PPP1R14C: variants seen among roughly 807,000 people sequenced by gnomAD.
PPP1R14C encodes the protein protein phosphatase 1 regulatory subunit 14C.
Under a neutral mutation model 20.4 loss-of-function variants are expected in PPP1R14C, and 16 were observed. The observed-to-expected ratio is 0.78, with a 90% CI of 0.53 to 1.19. The LOEUF (loss-of-function observed/expected upper bound fraction) is 1.19, where lower values mean the gene tolerates loss of function less well. Among genes scored for constraint, PPP1R14C ranks in the 50% most tolerant of loss-of-function variants. The pLI is 0.00. For missense variants in PPP1R14C, 211 were observed against 220.1 expected, an observed-to-expected ratio of 0.96 and a Z score of 0.26; for synonymous variants, 91 against 91.0, an observed-to-expected ratio of 1.00 and a Z score of 0.00.
In PPP1R14C at chr6:150,185,353, G is replaced by C. The variant is rs1336296642; in HGVS notation, c.307-29391G>C. Among the ~76,000 whole-genome samples, 2 of 152,082 alleles carry C rather than the reference G, an allele frequency of 1.3e-5. No individual in the cohort carries two copies. The highest frequency in any genetic ancestry group is 2.9e-5 in the Non-Finnish European group (2 of 68,024). ...CATGAAAGTCACACAGACCTGCAAG[G>C]CTCCTGCAATCTGCCCTTTACTCTT... On this transcript the variant is annotated intron_variant, in intron 1 of 3. Coordinates refer to ENST00000361131, the MANE Select transcript of PPP1R14C (RefSeq NM_030949.3). This position sits in a 1 kb window ranked among gnomAD's most constrained non-coding sequence, Gnocchi z 4.1.
chr6:150,222,927 C>T (rs1319106277), intron 3 of PPP1R14C, among the ~76,000 whole-genome samples: 1 of 151,868 alleles, frequency 6.6e-6, no homozygotes, highest in East Asian at 1.9e-4. Flanking sequence ...TGCCACCACA[C>T]CCGGCTAATT....
chr6:150,174,512 G>A (rs570750391), intron 1 of PPP1R14C, among the ~76,000 whole-genome samples: 3 of 151,900 alleles, frequency 2.0e-5, no homozygotes, highest in Admixed American at 6.6e-5. Flanking sequence ...CACCACGCCT[G>A]GCCGTGTGTG....
chr6:150,245,816 T>C (rs1778483619), intron 3 of PPP1R14C, among the ~76,000 whole-genome samples: 1 of 152,232 alleles, frequency 6.6e-6, no homozygotes, highest in Non-Finnish European at 1.5e-5. Context: ...TCTGTGCAAG[T>C]GATACTGCCA....
In PPP1R14C at chr6:150,237,569, G is replaced by A. The variant is rs547599883; in HGVS notation, c.424-11177G>A. Among the ~76,000 whole-genome samples the A allele has an allele frequency of 5.3e-5, 8 of 152,252 alleles. 1 individual carries two copies. The highest frequency in any genetic ancestry group is 5.2e-4 in the Admixed American group (8 of 15,294). On this transcript the variant is annotated intron_variant, in intron 3 of 3. Coordinates refer to ENST00000361131, the MANE Select transcript of PPP1R14C (RefSeq NM_030949.3). Reference sequence around the variant, plus strand: ...TTCAGTGTAGTCTGATGATGATGATGATAACGATGATGACAGTATCAAGCA... The same window carrying A: ...TTCAGTGTAGTCTGATGATGATGATAATAACGATGATGACAGTATCAAGCA...
At chr6:150,222,195 T>C (rs1353146925) in intron 3 of PPP1R14C, among the ~76,000 whole-genome samples, 2 of 127,054 alleles carry the variant, frequency 1.6e-5, no homozygotes, top group Non-Finnish European at 3.3e-5. Flanking sequence ...TAGTCACATC[T>C]CATGTATTAA....
At chr6:150,156,299 A>T (rs1288746026) in intron 1 of PPP1R14C, among the ~76,000 whole-genome samples, 1 of 152,220 alleles carries the variant, frequency 6.6e-6, no homozygotes, top group East Asian at 1.9e-4. Flanking sequence ...ATTTGAAAGC[A>T]GCAGATATTA....
Position 150,161,116 on chromosome 6 carries a change from C to T in PPP1R14C, c.306+17618C>T, listed in dbSNP as rs545694581. Among the ~76,000 whole-genome samples, 7 of 152,078 alleles carry T rather than the reference C, an allele frequency of 4.6e-5. No homozygotes were observed. The South Asian group carries it at 1.0e-3, about 23-fold the overall frequency. ...CCAACATGGTGAAACCCCATCTCTA[C>T]TAAAAATACAAAAATTAGCCAGACG... is the stretch of plus-strand genomic sequence containing the variant. On this transcript the variant is annotated intron_variant, in intron 1 of 3. Transcript: ENST00000361131.
At chr6:150,187,247 C>CTGTGTGTGTGTGTGTGTGTG (rs61153538) in intron 1 of PPP1R14C, among the ~76,000 whole-genome samples, 1 of 141,496 alleles carries the variant, frequency 7.1e-6, no homozygotes, top group Non-Finnish European at 1.5e-5. Context: ...TTCTCTTTCT[C>CTGTGTGTGTGTGTGTGTGTG]TGTGTGTGTG....
intron 1 of PPP1R14C, among the ~76,000 whole-genome samples, chr6:150,166,637 T>A (rs1008243231): frequency 2.0e-5 from 3 of 152,212 alleles, no homozygotes; most frequent in Non-Finnish European, 2.9e-5. Context: ...TGCCCATGTC[T>A]GGTGGCTGCA....
chr6:150,222,176 G>A (rs1331819037), intron 3 of PPP1R14C, among the ~76,000 whole-genome samples: 2 of 152,188 alleles, frequency 1.3e-5, no homozygotes, highest in African/African-American at 4.8e-5. Flanking sequence ...CAGATGCCGG[G>A]TGCTGATCTA....
At chr6:150,178,514 C>T (rs558977432) in intron 1 of PPP1R14C, among the ~76,000 whole-genome samples, 2 of 152,310 alleles carry the variant, frequency 1.3e-5, no homozygotes, top group South Asian at 4.1e-4. Flanking sequence ...TTCTTCAGTT[C>T]AGGTAAAGTC....
chr6:150,238,127 G>A (rs1265040525), intron 3 of PPP1R14C, among the ~76,000 whole-genome samples: 1 of 152,162 alleles, frequency 6.6e-6, no homozygotes, highest in African/African-American at 2.4e-5. Flanking sequence ...TCTAAGGTGT[G>A]GACCCAGGAT....
chr6:150,243,175 T>C (rs1431999905), intron 3 of PPP1R14C, among the ~76,000 whole-genome samples: 1 of 93,532 alleles, frequency 1.1e-5, no homozygotes, highest in Non-Finnish European at 2.1e-5. Context: ...CTAAAATTCC[T>C]TTTTTTTTTT....
chr6:150,212,332 G>A (rs1778035755), intron 1 of PPP1R14C, among the ~76,000 whole-genome samples: 1 of 152,148 alleles, frequency 6.6e-6, no homozygotes, highest in Admixed American at 6.5e-5. Context: ...CTTACCATAT[G>A]GGACAGCCCA....
At chr6:150,207,327 C>T (rs1424718492) in intron 1 of PPP1R14C, among the ~76,000 whole-genome samples, 2 of 152,240 alleles carry the variant, frequency 1.3e-5, no homozygotes, top group Non-Finnish European at 2.9e-5. Flanking sequence ...CTACTTCTGT[C>T]TAAGGCCCAA....
chr6:150,204,322 C>G (rs1777916270), intron 1 of PPP1R14C, among the ~76,000 whole-genome samples: 1 of 152,216 alleles, frequency 6.6e-6, no homozygotes, highest in Non-Finnish European at 1.5e-5. Flanking sequence ...TGTTCATAAG[C>G]AGAGCAAAGT....
At chr6:150,177,975 G>A (rs2114876028) in intron 1 of PPP1R14C, among the ~76,000 whole-genome samples, 1 of 152,320 alleles carries the variant, frequency 6.6e-6, no homozygotes, top group East Asian at 1.9e-4. Context: ...TTGTCCAGAT[G>A]CTCACTGGTT....
chr6:150,199,847 T>G (rs1340794520), intron 1 of PPP1R14C, among the ~76,000 whole-genome samples: 1 of 147,016 alleles, frequency 6.8e-6, no homozygotes, highest in Non-Finnish European at 1.5e-5. Flanking sequence ...ATAGCCTGGG[T>G]GACAGAGCGA....
intron 3 of PPP1R14C, among the ~76,000 whole-genome samples, chr6:150,235,169 C>G (rs1778344118): frequency 6.6e-6 from 1 of 152,168 alleles, no homozygotes; most frequent in Admixed American, 6.5e-5. Flanking sequence ...CTCACTGCAG[C>G]CTCGAAATCC....
Sources: allele counts gnomAD v4.1 joint callset (sites outside exome capture counted in the v4.1 genomes callset), GRCh38; gene constraint gnomAD v4.1.1; non-coding constraint Gnocchi (gnomAD v3.1); transcripts MANE v1.5; gene names NCBI Gene and HGNC (gene_info 2026-07-23, HGNC 2026-07-21).